Variants in SCARA5 observed in about 807,000 individuals in gnomAD.
The protein encoded by SCARA5 is scavenger receptor class A, member 5 (putative).
Under a neutral mutation model 46.3 loss-of-function variants are expected in SCARA5, and 45 were observed. The ratio of observed to expected loss-of-function variants is 0.97; its 90% CI spans 0.76 to 1.24. The LOEUF is 1.24. Among genes scored for constraint, SCARA5 ranks in the 50% most tolerant of loss-of-function variants. SCARA5 has a pLI of 0.00. For synonymous variants in SCARA5, 333 were observed against 306.5 expected (o/e 1.09, Z -0.90); for missense variants, 680 against 689.0 (o/e 0.99, Z 0.15).
intron 7 of SCARA5, among the ~76,000 whole-genome samples, chr8:27,882,685 T>C (rs1806829764): frequency 6.6e-6 from 1 of 152,230 alleles, no homozygotes; most frequent in Non-Finnish European, 1.5e-5. Context: ...GTGAGACACA[T>C]TGGTTCATCA....
chr8:27,942,883 G>A (rs1273736474), intron 3 of SCARA5, among the ~76,000 whole-genome samples: 1 of 152,162 alleles, frequency 6.6e-6, no homozygotes, highest in East Asian at 1.9e-4. Context: ...AAGCCATTTA[G>A]CAAGAACACC....
intron 6 of SCARA5, among the ~76,000 whole-genome samples, chr8:27,906,193 A>G (rs1035009132): frequency 6.6e-6 from 1 of 152,224 alleles, no homozygotes; most frequent in Non-Finnish European, 1.5e-5. Context: ...GGGAATGATT[A>G]GCAGTACTTT....
chr8:27,984,764 T>TATCCATTCATTCATTC, intron 2 of SCARA5, among the ~76,000 whole-genome samples: 1 of 151,030 alleles, frequency 6.6e-6, no homozygotes, highest in South Asian at 2.1e-4. Context: ...TTCATTCACA[T>TATCCATTCATTCATTC]ATCCATTCAT....
At chr8:27,892,606 CTTTTTTTTT>C (rs1230257718) in intron 7 of SCARA5, among the ~76,000 whole-genome samples, 1 of 127,034 alleles carries the variant, frequency 7.9e-6, no homozygotes, top group Non-Finnish European at 1.6e-5. Context: ...ATACCTCACC[CTTTTTTTTT>C]TTTTTTTTTT....
At chr8:27,945,497 T>C (rs1220731726) in intron 3 of SCARA5, among the ~76,000 whole-genome samples, 2 of 152,194 alleles carry the variant, frequency 1.3e-5, no homozygotes, top group Non-Finnish European at 2.9e-5. Flanking sequence ...TTAAATTGAG[T>C]GCTGATCTCT....
At chr8:27,956,206 T>C (rs956472068) in intron 3 of SCARA5, among the ~76,000 whole-genome samples, 1 of 152,210 alleles carries the variant, frequency 6.6e-6, no homozygotes, top group Non-Finnish European at 1.5e-5. Flanking sequence ...TGTTCAGTAC[T>C]TGAGTGATGC....
rs370196869 is a variant in SCARA5 at position 27,878,891 on chromosome 8, C to A, written c.1351+678G>T. 6.6e-5 allele frequency among the ~76,000 whole-genome samples: 10 copies of A among 152,262 alleles called. No individual in the cohort carries two copies. The South Asian group carries it at 1.0e-3, about 16-fold the overall frequency. On this transcript the variant is annotated intron_variant, in intron 8 of 8. Transcript: ENST00000354914. ...AGTACTTGAGCCCAGGAGTTCGAGA[C>A]CAGTCTGGGCAACATAGTGAGACCT...
chr8:27,956,278 A>G (rs1251876566), intron 3 of SCARA5, among the ~76,000 whole-genome samples: 10 of 152,204 alleles, frequency 6.6e-5, no homozygotes, highest in Non-Finnish European at 8.8e-5. Flanking sequence ...AAACCTGTAC[A>G]TACATCCCCA....
At chr8:27,904,756 G>A (rs372158267) in intron 7 of SCARA5, 22 bp downstream of exon 7, 34 of 1,608,672 alleles carry the variant, frequency 2.1e-5, no homozygotes, top group Non-Finnish European at 2.4e-5. Flanking sequence ...CATATCCCAC[G>A]GCCCCAGCAG....
At chr8:27,989,035 A>G (rs1002841224) in intron 1 of SCARA5, among the ~76,000 whole-genome samples, 1 of 151,306 alleles carries the variant, frequency 6.6e-6, no homozygotes, top group Non-Finnish European at 1.5e-5. Flanking sequence ...AATAGACATA[A>G]TCAGGGAAGG....
chr8:27,954,916 T>C (rs1468700023), intron 3 of SCARA5, among the ~76,000 whole-genome samples: 2 of 152,172 alleles, frequency 1.3e-5, no homozygotes, highest in African/African-American at 2.4e-5. Flanking sequence ...GAGAATACAC[T>C]GAAAATGTCT....
chr8:27,979,042 C>T (rs192041596), intron 2 of SCARA5, among the ~76,000 whole-genome samples: 27 of 152,304 alleles, frequency 1.8e-4, no homozygotes, highest in Admixed American at 7.2e-4. Flanking sequence ...GGTCTAATTC[C>T]ACCCACACAG....
At chr8:27,949,300 A>C (rs1450176206) in intron 3 of SCARA5, among the ~76,000 whole-genome samples, 3 of 152,254 alleles carry the variant, frequency 2.0e-5, no homozygotes, top group Admixed American at 2.0e-4. Context: ...GAGTCAGCCC[A>C]GCTTTGACCT....
intron 3 of SCARA5, among the ~76,000 whole-genome samples, chr8:27,935,763 T>C (rs1046036219): frequency 1.3e-5 from 2 of 151,756 alleles, no homozygotes; most frequent in Admixed American, 6.6e-5. Context: ...TCCCAGCAGA[T>C]AGGGGGAGAG....
intron 3 of SCARA5, among the ~76,000 whole-genome samples, chr8:27,940,756 A>C (rs978806927): frequency 2.1e-5 from 1 of 48,572 alleles, no homozygotes; most frequent in Admixed American, 3.5e-4. Flanking sequence ...CCACCCAACC[A>C]TCTGTCCATC....
At chr8:27,900,786 C>T (rs1003343102) in intron 7 of SCARA5, among the ~76,000 whole-genome samples, 10 of 133,872 alleles carry the variant, frequency 7.5e-5, no homozygotes, top group South Asian at 7.0e-4. Flanking sequence ...GTATACGTAG[C>T]GGGTTTTTTT....
intron 1 of SCARA5, among the ~76,000 whole-genome samples, chr8:27,990,104 G>C (rs1034584670): frequency 2.0e-5 from 3 of 152,202 alleles, no homozygotes; most frequent in Non-Finnish European, 4.4e-5. Context: ...CTCCTGGGAC[G>C]GGGCTGGAAT....
intron 2 of SCARA5, among the ~76,000 whole-genome samples, chr8:27,972,811 CTG>C (rs201507752): frequency 0.012 from 1,314 of 105,244 alleles, 17 homozygotes; most frequent in African/African-American, 0.041. Flanking sequence ...CTGTAGTGAG[CTG>C]TGTCACCACT....
At chr8:27,980,323 A>C (rs577579293) in intron 2 of SCARA5, among the ~76,000 whole-genome samples, 1 of 152,116 alleles carries the variant, frequency 6.6e-6, no homozygotes, top group African/African-American at 2.4e-5. Context: ...CTGGCCACTC[A>C]TCACCCCCTC....
Sources: allele counts gnomAD v4.1 joint callset (sites outside exome capture counted in the v4.1 genomes callset), GRCh38; gene constraint gnomAD v4.1.1; transcripts MANE v1.5; gene names NCBI Gene and HGNC (gene_info 2026-07-23, HGNC 2026-07-21).